Variants in PRPF31 observed in about 807,000 individuals in gnomAD.
PRPF31 encodes U4/U6 small nuclear ribonucleoprotein Prp31.
Under a neutral mutation model 60.4 loss-of-function variants are expected in PRPF31, and 12 were observed. The observed-to-expected ratio is 0.20, with a 90% CI of 0.13 to 0.32. The LOEUF (loss-of-function observed/expected upper bound fraction) is 0.32, where lower values mean the gene tolerates loss of function less well. PRPF31 is among the 10% of genes least tolerant of loss of function. The probability of loss-of-function intolerance (pLI) is 1.00; values close to 1 mark genes in which losing one functional copy is unlikely to be tolerated. For missense variants in PRPF31, 431 were observed against 687.1 expected (o/e 0.63, Z 4.17); for synonymous variants, 287 against 287.9 (o/e 1.00, Z 0.03).
intron 5 of PRPF31, 110 bp from the exon 6 acceptor site, chr19:54,123,344 C>G (rs2073839349): frequency 3.5e-6 from 3 of 856,648 alleles, no homozygotes; most frequent in African/African-American, 3.3e-5. Context: ...TGCAGAGACC[C>G]TGACTGTCCC....
At chr19:54,130,580 G>C (rs1480874790) in intron 13 of PRPF31, among the ~76,000 whole-genome samples, 1 of 151,424 alleles carries the variant, frequency 6.6e-6, no homozygotes, top group Non-Finnish European at 1.5e-5. Context: ...AGCCGAGATC[G>C]CGCCACTGCA....
At chr19:54,130,413 C>T (rs1401727425) in intron 13 of PRPF31, among the ~76,000 whole-genome samples, 1 of 152,194 alleles carries the variant, frequency 6.6e-6, no homozygotes, top group East Asian at 1.9e-4. Flanking sequence ...ATCATGAGGT[C>T]AGGAGATCGA....
intron 4 of PRPF31, 146 bp downstream of exon 4, chr19:54,122,089 G>A: frequency 1.1e-6 from 1 of 875,754 alleles, no homozygotes; most frequent in South Asian, 1.4e-5. Flanking sequence ...GCTGAAATAA[G>A]AAGGAAGTGC....
intron 7 of PRPF31, 62 bp from the exon 8 acceptor site, chr19:54,124,437 C>T (rs373611803): frequency 1.4e-5 from 19 of 1,402,326 alleles, no homozygotes; most frequent in East Asian, 6.8e-5. Context: ...GGCAGATTTA[C>T]TCACCCCCAC....
At chr19:54,125,264 GC>G (rs1169218667) in intron 8 of PRPF31, 1 of 159,282 alleles carries the variant, frequency 6.3e-6, no homozygotes, top group Non-Finnish European at 1.4e-5. Flanking sequence ...GGAGGCCGAG[GC>G]GGGCAGATCA....
intron 13 of PRPF31, among the ~76,000 whole-genome samples, chr19:54,130,730 T>C: frequency 6.6e-6 from 1 of 151,992 alleles, no homozygotes; most frequent in East Asian, 1.9e-4. Flanking sequence ...AGGGCCTCTT[T>C]GAGAAGATGA....
Position 54,131,548 on chromosome 19 carries a change from C to T in PRPF31, c.*116C>T, listed in dbSNP as rs587642818. The T allele has an allele frequency of 2.7e-6, 4 of 1,477,866 alleles. No homozygotes were observed. The highest frequency in any genetic ancestry group is 3.7e-6 in the Non-Finnish European group (4 of 1,080,810). 91.5% of individuals were successfully genotyped at this position (1,477,866 alleles called of 1,614,324 possible). ...ACCTGCCCTGCCACTGGCCCCATTG[C>T]TGGGACTGCCCAGGGAGGAGGCCTT... On this transcript the variant is annotated 3_prime_UTR_variant, in exon 14 of 14. Coordinates refer to ENST00000321030, the MANE Select transcript of PRPF31 (RefSeq NM_015629.4).
intron 13 of PRPF31, among the ~76,000 whole-genome samples, chr19:54,130,619 T>C (rs2074028928): frequency 6.9e-6 from 1 of 144,434 alleles, no homozygotes; most frequent in South Asian, 2.2e-4. Flanking sequence ...AGCCAGACTC[T>C]GTCTCAAAAA....
chr19:54,121,948 G>C lies in PRPF31; in HGVS notation c.322+5G>C. On this transcript the variant is annotated splice_donor_5th_base_variant and intron_variant, in intron 4 of 13. Transcript: ENST00000321030. ...TGGAGATCGAAAACGAGCTGAGTGA[G>C]TGCTGGGGGGCAGGCGGAGACAGCC... The C allele has an allele frequency of 6.2e-7, 1 of 1,610,148 alleles. No individual in the cohort carries two copies. The highest frequency in any genetic ancestry group is 8.5e-7 in the Non-Finnish European group (1 of 1,178,442).
chr19:54,128,431 C>A, intron 11 of PRPF31, 54 bp downstream of exon 11: 2 of 1,496,494 alleles, frequency 1.3e-6, no homozygotes, highest in Non-Finnish European at 1.8e-6. Flanking sequence ...CCGCCACCGC[C>A]CTCTGCCTCC....
At chr19:54,121,816 G>C (rs767408221) in intron 3 of PRPF31, 44 bp from the exon 4 acceptor site, 50 of 1,560,174 alleles carry the variant, frequency 3.2e-5, no homozygotes, top group Non-Finnish European at 2.6e-6. Flanking sequence ...CCGAGAGGGG[G>C]TAGGGATTTA....
rs2073873120 is a variant in PRPF31, at chr19:54,124,534, C to G, written c.733C>G (p.Pro245Ala). The G allele has an allele frequency of 6.2e-7, 1 of 1,611,128 alleles. No homozygotes were observed. Among genetic ancestry groups the G allele is most frequent in the African/African-American group, 1.3e-5 (1 of 74,912 alleles). The change falls in exon 8 of 14, where the codon CCC becomes GCC. Residue 245 changes from proline to alanine, a missense_variant. This residue lies in a region of PRPF31 where 314 missense variants were observed against 475.3 expected (regional missense o/e 0.66). Transcript: ENST00000321030. ...AGGLTNLSKM[P>A]ACNIMLLGAQ... ...CGGCCTGACCAACCTCTCCAAGATG[C>G]CCGCCTGCAACATCATGCTGCTCGG...
chr19:54,128,803 C>T (rs901315873), intron 11 of PRPF31, among the ~76,000 whole-genome samples: 15 of 152,308 alleles, frequency 9.8e-5, no homozygotes, highest in Middle Eastern at 3.4e-3. Flanking sequence ...CCGACCCACA[C>T]GAGTAAGGAA....
In PRPF31 at chr19:54,131,603, C is replaced by T. The variant is rs587737620; in HGVS notation, c.*171C>T. The T allele has an allele frequency of 5.0e-5, 47 of 937,458 alleles. No homozygotes were observed. The East Asian group carries it at 1.1e-3, about 23-fold the overall frequency. The allele number at this position is 937,458 out of a possible 1,614,324, so 58.1% of individuals were successfully genotyped here. ...GAGTCCGGCCTGGCCTCCCCCAGGA[C>T]CGAGATCACCGCCCAGTATGGGCTA... On this transcript the variant is annotated 3_prime_UTR_variant, in exon 14 of 14. Transcript: ENST00000321030.
At chr19:54,118,746 T>G (rs1191377606) in intron 3 of PRPF31, 113 bp downstream of exon 3, 7 of 1,064,604 alleles carry the variant, frequency 6.6e-6, no homozygotes, top group Admixed American at 4.5e-5. Context: ...TTCCAGAGCC[T>G]TCTTTTTTTT....
intron 6 of PRPF31, 56 bp from the exon 7 acceptor site, chr19:54,123,693 C>T: frequency 6.3e-7 from 1 of 1,592,928 alleles, no homozygotes; most frequent in South Asian, 1.1e-5. Context: ...AGGGCTGGGG[C>T]TGGGCACACC....
At chr19:54,131,171 A>C (rs1344648648) in intron 13 of PRPF31, 136 bp from the exon 14 acceptor site, 3 of 1,274,370 alleles carry the variant, frequency 2.4e-6, no homozygotes, top group Non-Finnish European at 3.4e-6. Flanking sequence ...AGACAGGGCA[A>C]CTCCAGGGAC....
chr19:54,121,303 C>CAA (rs587751948), intron 3 of PRPF31, among the ~76,000 whole-genome samples: 1 of 122,484 alleles, frequency 8.2e-6, no homozygotes, highest in Admixed American at 8.1e-5. Flanking sequence ...AATTATGTCT[C>CAA]AAAAAAAAAA....
chr19:54,126,759 T>TGGGGTCAGGCACCCCCTTCCCC lies in PRPF31; in HGVS notation c.945+143_945+164dup. On this transcript the variant is annotated intron_variant, in intron 9 of 13. Transcript: ENST00000321030. Reference sequence around the variant, plus strand: ...AGGCAGTGCTTCTGCCCACCCTCCCTGGGGTCAGGCACCCCCTTCCCCAGT... The same window carrying TGGGGTCAGGCACCCCCTTCCCC: ...AGGCAGTGCTTCTGCCCACCCTCCCTGGGGTCAGGCACCCCCTTCCCCGGGGTCAGGCACCCCCTTCCCCAGT... 5 of 865,956 alleles carry TGGGGTCAGGCACCCCCTTCCCC rather than the reference T, an allele frequency of 5.8e-6. No individual in the cohort carries two copies. In the South Asian group the frequency reaches 7.2e-5, roughly 12 times the overall value. The allele number at this position is 865,956 out of a possible 1,614,324, so 53.6% of individuals were successfully genotyped here.
Sources: gnomAD v4.1 joint callset for allele counts (sites outside exome capture counted in the v4.1 genomes callset) on GRCh38, gnomAD v4.1.1 for gene constraint, gnomAD v4.1.1 regional missense constraint, MANE v1.5 for transcripts, NCBI Gene and HGNC (gene_info 2026-07-23, HGNC 2026-07-21) for gene names.